The following PDXDC1 variants were observed in gnomAD, a reference collection of about 807,000 sequenced individuals.
PDXDC1 encodes pyridoxal dependent decarboxylase domain containing 1, also known as pyridoxal-dependent decarboxylase domain-containing protein 1.
A neutral mutation model predicts 100.1 loss-of-function variants in PDXDC1; 42 were observed. The observed-to-expected ratio is 0.42, with a 90% CI of 0.33 to 0.54. The LOEUF (loss-of-function observed/expected upper bound fraction) is 0.54. Ranked by LOEUF, PDXDC1 falls within the 20% of genes least tolerant of loss-of-function variation. The pLI is 0.10. For missense variants in PDXDC1, 636 were observed against 979.2 expected, an observed-to-expected ratio of 0.65 and a Z score of 4.68; for synonymous variants, 260 against 371.7, an observed-to-expected ratio of 0.70 and a Z score of 3.46.
At chr16:15,131,202 G>A in intron 16 of PDXDC1, 2 of 1,588,468 alleles carry the variant, frequency 1.3e-6, no homozygotes, top group South Asian at 2.2e-5. Flanking sequence ...AGTTGGCAGA[G>A]CTGCGGTGGC....
At chr16:14,990,639 T>G (rs1970561617) in intron 1 of PDXDC1, among the ~76,000 whole-genome samples, 1 of 152,276 alleles carries the variant, frequency 6.6e-6, no homozygotes, top group Non-Finnish European at 1.5e-5. Context: ...GGCATTGGAG[T>G]CATTGTTCAC....
rs140623257 is a variant in PDXDC1, at chr16:15,034,512, T to C, written c.1961T>C (p.Val654Ala). 3 of 1,614,002 alleles carry C rather than the reference T, an allele frequency of 1.9e-6. No homozygotes were observed. The highest frequency in any genetic ancestry group is 2.2e-5 in the East Asian group (1 of 44,882). ...TCCGTGCTGAATTGGTTTTCTCCGG[T>C]CCAGGCTTTACAGAAGGGAAGAACT... ...VGSVLNWFSP[V>A]QALQKGRTFN... Residue 654 changes from valine to alanine, a missense_variant, in exon 21 of 23, where the codon GTC (valine) becomes GCC (alanine). By Grantham distance (64) the Val-to-Ala change is moderately conservative (BLOSUM62 0). Coordinates refer to ENST00000396410, the MANE Select transcript of PDXDC1 (RefSeq NM_015027.4).
chr16:15,078,808 TTTTC>T (rs2045571161), intron 16 of PDXDC1, among the ~76,000 whole-genome samples: 1 of 127,312 alleles, frequency 7.9e-6, no homozygotes, highest in Non-Finnish European at 1.7e-5. Context: ...CTTCGTATTT[TTTTC>T]TTTTTTTTTT....
At chr16:15,145,853 G>A in the PDXDC1 span, among the ~76,000 whole-genome samples, 6 of 152,264 alleles carry the variant, frequency 3.9e-5, no homozygotes, top group Non-Finnish European at 8.8e-5. Flanking sequence ...CCAGACGGCA[G>A]CGGGCTGTTT....
In PDXDC1 at chr16:15,128,214, G is replaced by C. The variant is rs564682419; in HGVS notation, c.1400-10665G>C. On this transcript the variant is annotated intron_variant, in intron 16 of 16. Transcript: ENST00000535621. ...AGAGGGGCAGAGCTTGGCAGGGTCCGCACAGACCTTTGTCGTGCCACACTC... is the reference window on the plus strand; with the variant it reads ...AGAGGGGCAGAGCTTGGCAGGGTCCCCACAGACCTTTGTCGTGCCACACTC... The C allele has an allele frequency of 4.3e-6, 7 of 1,610,724 alleles. No individual in the cohort carries two copies. In the African/African-American group the frequency reaches 5.3e-5, roughly 12 times the overall value.
intron 16 of PDXDC1, among the ~76,000 whole-genome samples, chr16:15,101,087 A>G (rs2046529347): frequency 6.6e-6 from 1 of 152,188 alleles, no homozygotes; most frequent in Admixed American, 6.5e-5. Context: ...TATGTACAAA[A>G]TGGGAATAAC....
At chr16:14,995,584 A>T (rs1308134800) in intron 1 of PDXDC1, among the ~76,000 whole-genome samples, 1 of 152,252 alleles carries the variant, frequency 6.6e-6, no homozygotes, top group South Asian at 2.1e-4. Context: ...TTCATCAGGG[A>T]TATTGGTCTA....
chr16:15,034,118 A>G lies in PDXDC1; in HGVS notation c.1813-168A>G, dbSNP rs2043243109. On this transcript the variant is annotated intron_variant, in intron 19 of 22. Coordinates refer to ENST00000396410, the MANE Select transcript of PDXDC1 (RefSeq NM_015027.4). ...AGGTGTGTCTGCCTAGGCCTCTATG[A>G]GCATGTTATCTGCTTGTCTTTGAGT... 4.8e-6 allele frequency: 3 copies of G among 618,582 alleles called. No homozygotes were observed. In the East Asian group the frequency reaches 8.2e-5, roughly 17 times the overall value. The allele number at this position is 618,582 out of a possible 1,614,324, so 38.3% of individuals were successfully genotyped here.
At chr16:15,078,884 T>C (rs1476123440) in intron 16 of PDXDC1, among the ~76,000 whole-genome samples, 1 of 149,618 alleles carries the variant, frequency 6.7e-6, no homozygotes, top group African/African-American at 2.5e-5. Flanking sequence ...CAATCTCGGC[T>C]CACTGCAAGC....
At chr16:15,104,649 G>A in intron 16 of PDXDC1, 1 of 1,598,038 alleles carries the variant, frequency 6.3e-7, no homozygotes, top group African/African-American at 1.3e-5. Context: ...ATGTTGTTGA[G>A]TTGGAGGAGG....
intron 5 of PDXDC1, among the ~76,000 whole-genome samples, chr16:15,006,072 T>C (rs1265502373): frequency 6.6e-6 from 1 of 152,298 alleles, no homozygotes; most frequent in African/African-American, 2.4e-5. Context: ...TGTTATCCAG[T>C]GCTGGCCTTA....
At chr16:15,133,757 G>C in intron 16 of PDXDC1, 2 of 1,594,514 alleles carry the variant, frequency 1.3e-6, no homozygotes. Flanking sequence ...TCACAGTCGG[G>C]GGATCCCGCT....
downstream of PDXDC1, chr16:15,038,622 A>AAAT: frequency 6.2e-7 from 1 of 1,610,298 alleles, no homozygotes; most frequent in Non-Finnish European, 8.5e-7. Context: ...CCACATGTGG[A>AAAT]AATGGTGTCC....
chr16:15,034,083 C>T, intron 19 of PDXDC1: 1 of 593,148 alleles, frequency 1.7e-6, no homozygotes, highest in Non-Finnish European at 3.0e-6. Context: ...GCAAATGAGG[C>T]TGGTCACCAA....
At chr16:15,129,521 C>T (rs984662229) in intron 16 of PDXDC1, among the ~76,000 whole-genome samples, 1 of 152,246 alleles carries the variant, frequency 6.6e-6, no homozygotes, top group Non-Finnish European at 1.5e-5. Flanking sequence ...GAAGAAACAG[C>T]CACGGGGAGG....
At chr16:15,047,327 G>A (rs1453925279) in intron 16 of PDXDC1, 12 of 731,224 alleles carry the variant, frequency 1.6e-5, no homozygotes, top group African/African-American at 8.6e-5. Context: ...CCAGGGGAAC[G>A]AGGCAGACAC....
intron 19 of PDXDC1, 82 bp downstream of exon 19, chr16:15,033,481 C>T (rs1363585408): frequency 2.8e-6 from 4 of 1,441,530 alleles, no homozygotes; most frequent in Non-Finnish European, 3.9e-6. Context: ...AGCAGCTGCC[C>T]TTGGGATGTC....
chr16:15,126,819 G>A (rs1435649242), intron 16 of PDXDC1: 3 of 166,474 alleles, frequency 1.8e-5, no homozygotes, highest in East Asian at 1.6e-4. Flanking sequence ...ACCATGCCCA[G>A]CTAAGTTTTT....
At chr16:15,017,294 A>G in intron 10 of PDXDC1, 27 bp from the exon 11 acceptor site, 1 of 1,594,816 alleles carries the variant, frequency 6.3e-7, no homozygotes, top group Non-Finnish European at 8.6e-7. Flanking sequence ...CTGATAATCT[A>G]ACAAAGAGTT....
Sources: allele counts gnomAD v4.1 joint callset (sites outside exome capture counted in the v4.1 genomes callset), GRCh38; gene constraint gnomAD v4.1.1; transcripts MANE v1.5; gene names NCBI Gene and HGNC (gene_info 2026-07-23, HGNC 2026-07-21).